Variants in SLC35F3 observed in about 807,000 individuals in gnomAD.
SLC35F3 encodes the protein solute carrier family 35 member F3.
Under a neutral mutation model 49.9 loss-of-function variants are expected in SLC35F3, and 25 were observed. The ratio of observed to expected loss-of-function variants is 0.50; its 90% CI spans 0.37 to 0.70. SLC35F3 has a LOEUF of 0.70. Among genes scored for constraint, SLC35F3 ranks in the 30% least tolerant of loss-of-function variants. The probability of loss-of-function intolerance (pLI) is 0.00; values close to 1 mark genes in which losing one functional copy is unlikely to be tolerated. For missense variants in SLC35F3, 525 were observed against 639.8 expected (o/e 0.82, Z 1.94); for synonymous variants, 275 against 265.4 (o/e 1.04, Z -0.35).
At chr1:234,049,800 A>G (rs1664347992) in intron 2 of SLC35F3, among the ~76,000 whole-genome samples, 1 of 151,918 alleles carries the variant, frequency 6.6e-6, no homozygotes, top group African/African-American at 2.4e-5. Context: ...CCCCAACCCC[A>G]CGACGGGCCC....
chr1:234,014,673 T>C (rs541418919), intron 2 of SLC35F3, among the ~76,000 whole-genome samples: 4 of 152,328 alleles, frequency 2.6e-5, no homozygotes, highest in African/African-American at 9.6e-5. Context: ...GTAGCATTTC[T>C]ATATACTAAC....
intron 2 of SLC35F3, among the ~76,000 whole-genome samples, chr1:234,228,335 A>G (rs781536382): frequency 3.3e-5 from 5 of 152,134 alleles, no homozygotes; most frequent in Admixed American, 6.5e-5. Flanking sequence ...TATTATCCCA[A>G]TGCACACTGG....
intron 2 of SLC35F3, among the ~76,000 whole-genome samples, chr1:234,184,137 T>TA (rs531723859): frequency 0.029 from 4,284 of 147,556 alleles, 68 homozygotes; most frequent in Middle Eastern, 0.056. Flanking sequence ...CACAGTTTTT[T>TA]TAAAAAAAAA....
rs573453663 is a variant in SLC35F3 at position 234,320,717 on chromosome 1, C to T, written c.1237+530C>T. Among the ~76,000 whole-genome samples, 4 of 152,146 alleles carry T rather than the reference C, an allele frequency of 2.6e-5. No individual in the cohort carries two copies. Among genetic ancestry groups the T allele is most frequent in the Non-Finnish European group, 5.9e-5 (4 of 68,040 alleles). Reference sequence around the variant, plus strand: ...GACCTCCGGGAAGACAGGGAGAGAACGCCCTTTGCCCAGGAACTCGGGACT... The same window carrying T: ...GACCTCCGGGAAGACAGGGAGAGAATGCCCTTTGCCCAGGAACTCGGGACT... On this transcript the variant is annotated intron_variant, in intron 7 of 7. Coordinates refer to ENST00000366618, the MANE Select transcript of SLC35F3 (RefSeq NM_173508.4). The surrounding 1 kb of genome is among the most constrained non-coding windows in gnomAD (Gnocchi z 4.8).
intron 2 of SLC35F3, among the ~76,000 whole-genome samples, chr1:234,159,444 G>T (rs1004672707): frequency 2.0e-5 from 3 of 152,070 alleles, no homozygotes; most frequent in Admixed American, 1.3e-4. Context: ...GGGCGTGGTG[G>T]CAGGTGCCTA....
intron 2 of SLC35F3, among the ~76,000 whole-genome samples, chr1:233,913,721 A>G (rs1297281366): frequency 6.6e-6 from 1 of 152,180 alleles, no homozygotes; most frequent in Non-Finnish European, 1.5e-5. Flanking sequence ...CTGCATAGAA[A>G]CACTTCTAAT....
At chr1:234,050,016 C>A (rs1322500195) in intron 2 of SLC35F3, among the ~76,000 whole-genome samples, 2 of 152,112 alleles carry the variant, frequency 1.3e-5, no homozygotes. Context: ...ATGTGCCACA[C>A]TTTATTAATC....
chr1:234,177,947 G>A (rs780729170), intron 2 of SLC35F3, among the ~76,000 whole-genome samples: 17 of 152,106 alleles, frequency 1.1e-4, no homozygotes, highest in East Asian at 5.8e-4. Flanking sequence ...ATTTCTCACC[G>A]CCAAACAAGA....
At chr1:234,113,989 C>A (rs1013925540) in intron 2 of SLC35F3, among the ~76,000 whole-genome samples, 1 of 152,212 alleles carries the variant, frequency 6.6e-6, no homozygotes, top group Non-Finnish European at 1.5e-5. Context: ...GTTTAACAAT[C>A]GGCTCTCCAG....
At chr1:234,309,624 G>A (rs1321245084) in intron 4 of SLC35F3, among the ~76,000 whole-genome samples, 2 of 152,236 alleles carry the variant, frequency 1.3e-5, no homozygotes, top group Non-Finnish European at 2.9e-5. Context: ...GATGTGCTCC[G>A]CTCTCTGCGT....
At chr1:234,232,267 G>A (rs1667390855) in intron 3 of SLC35F3, among the ~76,000 whole-genome samples, 1 of 152,168 alleles carries the variant, frequency 6.6e-6, no homozygotes, top group Non-Finnish European at 1.5e-5. Flanking sequence ...AACCAAAGCA[G>A]TGTCTGGACT....
At chr1:234,270,010 A>G (rs138060053) in intron 3 of SLC35F3, among the ~76,000 whole-genome samples, 56 of 152,314 alleles carry the variant, frequency 3.7e-4, no homozygotes, top group African/African-American at 1.3e-3. Context: ...CCCCAGCCTC[A>G]GGTATTCCTT....
Position 234,108,203 on chromosome 1 carries a change from A to ATATATTTATATATATAAAAGATATG in SLC35F3, c.284-123190_284-123189insGTATATTTATATATATAAAAGATAT, listed in dbSNP as rs1486073247. Among the ~76,000 whole-genome samples the ATATATTTATATATATAAAAGATATG allele has an allele frequency of 4.9e-5, 6 of 123,288 alleles. No homozygotes were observed. The East Asian group carries it at 7.9e-4, about 16-fold the overall frequency. 80.9% of individuals were successfully genotyped at this position (123,288 alleles called of 152,430 possible). On this transcript the variant is annotated intron_variant, in intron 2 of 7. Coordinates refer to ENST00000366618, the MANE Select transcript of SLC35F3 (RefSeq NM_173508.4). ...AGTGAGATATATATATAAAAGATAT[A>ATATATTTATATATATAAAAGATATG]TATATTTATATATATAAAAGATATA...
intron 2 of SLC35F3, among the ~76,000 whole-genome samples, chr1:233,936,203 C>G (rs993140475): frequency 6.6e-6 from 1 of 152,182 alleles, no homozygotes; most frequent in African/African-American, 2.4e-5. Flanking sequence ...ATGGCCCCCC[C>G]AGGGTTGCAG....
intron 2 of SLC35F3, among the ~76,000 whole-genome samples, chr1:233,933,042 A>AAAG (rs1558182425): frequency 6.6e-6 from 1 of 151,450 alleles, no homozygotes; most frequent in Non-Finnish European, 1.5e-5. Flanking sequence ...AAGTAAAAAA[A>AAAG]AAAAAAAAAA....
intron 2 of SLC35F3, among the ~76,000 whole-genome samples, chr1:233,952,437 G>A (rs1440875039): frequency 6.6e-6 from 1 of 152,108 alleles, no homozygotes; most frequent in African/African-American, 2.4e-5. Flanking sequence ...ATAACCCAGG[G>A]ATTTATGTTT....
chr1:234,118,640 C>G (rs1357639734), intron 2 of SLC35F3, among the ~76,000 whole-genome samples: 4 of 152,128 alleles, frequency 2.6e-5, no homozygotes, highest in Non-Finnish European at 5.9e-5. Flanking sequence ...GTTGGCCAAT[C>G]CTGGCTCTAT....
chr1:234,034,514 C>T (rs2358206), intron 2 of SLC35F3, among the ~76,000 whole-genome samples: 54,921 of 151,094 alleles, frequency 0.36, 11,002 homozygotes, highest in Middle Eastern at 0.47. Flanking sequence ...TTTATTTATT[C>T]ATTCATTCAT....
At chr1:234,109,344 G>A (rs891428275) in intron 2 of SLC35F3, among the ~76,000 whole-genome samples, 2 of 152,200 alleles carry the variant, frequency 1.3e-5, no homozygotes, top group Admixed American at 1.3e-4. Context: ...AGCCTAGCCT[G>A]TAGGTTAAAT....
Sources: gnomAD v4.1 joint callset for allele counts (sites outside exome capture counted in the v4.1 genomes callset) on GRCh38, gnomAD v4.1.1 for gene constraint, Gnocchi (gnomAD v3.1) non-coding constraint, MANE v1.5 for transcripts, NCBI Gene and HGNC (gene_info 2026-07-23, HGNC 2026-07-21) for gene names.